The following GPC5 variants were observed in gnomAD, a reference collection of about 807,000 sequenced individuals.
The protein encoded by GPC5 is glypican-5.
In GPC5, 47 loss-of-function variants were observed where a neutral mutation model predicts 53.9. The ratio of observed to expected loss-of-function variants is 0.87; its 90% confidence interval spans 0.69 to 1.11. The LOEUF (loss-of-function observed/expected upper bound fraction) is 1.11. GPC5 is among the 50% of genes most tolerant of loss of function. The pLI is 0.00. For synonymous variants in GPC5, 286 were observed against 263.3 expected, an observed-to-expected ratio of 1.09 and a Z score of -0.84; for missense variants, 748 against 713.1, an observed-to-expected ratio of 1.05 and a Z score of -0.56.
chr13:91,796,685 G>A (rs1186536820), intron 5 of GPC5, among the ~76,000 whole-genome samples: 1 of 152,154 alleles, frequency 6.6e-6, no homozygotes, highest in East Asian at 1.9e-4. Context: ...CCCCAGCTAG[G>A]CTTAGGAATT....
intron 7 of GPC5, among the ~76,000 whole-genome samples, chr13:92,520,747 T>A (rs555682082): frequency 5.3e-4 from 80 of 152,112 alleles, no homozygotes; most frequent in African/African-American, 1.9e-3. Flanking sequence ...CTCTCACCAA[T>A]CCTGTTCAAC....
At chr13:92,393,054 T>A (rs1875085299) in intron 7 of GPC5, among the ~76,000 whole-genome samples, 1 of 152,168 alleles carries the variant, frequency 6.6e-6, no homozygotes, top group Non-Finnish European at 1.5e-5. Flanking sequence ...ACTGGGCAGA[T>A]TCCCAGAGGA....
chr13:91,723,477 C>A (rs200546492), intron 3 of GPC5, among the ~76,000 whole-genome samples: 6 of 148,304 alleles, frequency 4.0e-5, no homozygotes, highest in Non-Finnish European at 3.0e-5. Context: ...TCTCTCCCTC[C>A]AAAAAAAAAA....
chr13:91,716,941 A>G (rs2036351070), intron 3 of GPC5, among the ~76,000 whole-genome samples: 1 of 152,180 alleles, frequency 6.6e-6, no homozygotes. Context: ...GGACTGGGAG[A>G]GGGATTGGTA....
At chr13:91,840,271 TTCATC>T (rs555487217) in intron 5 of GPC5, among the ~76,000 whole-genome samples, 70 of 152,282 alleles carry the variant, frequency 4.6e-4, no homozygotes, top group African/African-American at 1.6e-3. Context: ...CTTTGACTTA[TTCATC>T]TTTCTCTTTA....
chr13:91,423,998 G>T (rs972342828), intron 1 of GPC5, among the ~76,000 whole-genome samples: 1 of 152,188 alleles, frequency 6.6e-6, no homozygotes, highest in Non-Finnish European at 1.5e-5. Flanking sequence ...GGAATAAAGT[G>T]ACCAGTGACA....
intron 5 of GPC5, among the ~76,000 whole-genome samples, chr13:91,854,132 C>T (rs1454598888): frequency 6.6e-6 from 1 of 151,664 alleles, no homozygotes; most frequent in African/African-American, 2.4e-5. Flanking sequence ...AAAAGAGGTG[C>T]TATAACCAAT....
intron 7 of GPC5, among the ~76,000 whole-genome samples, chr13:92,369,361 A>G (rs573690303): frequency 2.2e-4 from 34 of 152,142 alleles, no homozygotes; most frequent in African/African-American, 7.9e-4. Flanking sequence ...TTTTTTTTGT[A>G]GAAATGAGGT....
At chr13:92,855,165 G>A (rs1878955317) in intron 7 of GPC5, among the ~76,000 whole-genome samples, 1 of 151,948 alleles carries the variant, frequency 6.6e-6, no homozygotes, top group Non-Finnish European at 1.5e-5. Context: ...CTGTAGATAT[G>A]ATCACTACAG....
intron 5 of GPC5, among the ~76,000 whole-genome samples, chr13:91,875,646 T>G (rs1450552043): frequency 1.3e-5 from 2 of 152,226 alleles, no homozygotes; most frequent in African/African-American, 2.4e-5. Flanking sequence ...CCTTCTTTAT[T>G]GTTTCTTGCA....
chr13:91,460,263 A>G (rs774627845), intron 2 of GPC5, among the ~76,000 whole-genome samples: 2 of 151,518 alleles, frequency 1.3e-5, no homozygotes, highest in Non-Finnish European at 2.9e-5. Flanking sequence ...CAATATTAAT[A>G]GTTATCAATC....
At chr13:92,702,485 A>G (rs569533836) in intron 7 of GPC5, among the ~76,000 whole-genome samples, 27 of 152,054 alleles carry the variant, frequency 1.8e-4, no homozygotes, top group Non-Finnish European at 3.8e-4. Flanking sequence ...ATTCTGGCCA[A>G]AAATCTTGGA....
chr13:91,457,013 G>A (rs1415332716), intron 2 of GPC5, among the ~76,000 whole-genome samples: 3 of 151,924 alleles, frequency 2.0e-5, no homozygotes, highest in Admixed American at 1.3e-4. Flanking sequence ...TCTATTTTAT[G>A]TGAAGAACAA....
At chr13:92,415,937 G>A (rs1487039388) in intron 7 of GPC5, among the ~76,000 whole-genome samples, 1 of 152,158 alleles carries the variant, frequency 6.6e-6, no homozygotes, top group African/African-American at 2.4e-5. Flanking sequence ...GCAGATTGAA[G>A]ACATATTTAA....
intron 2 of GPC5, among the ~76,000 whole-genome samples, chr13:91,470,513 C>T (rs996469178): frequency 2.0e-5 from 3 of 152,036 alleles, no homozygotes; most frequent in South Asian, 4.1e-4. Context: ...TTTATGGCAT[C>T]GGAGCGCATA....
At chr13:91,571,854 CATAT>C (rs1566515746) in intron 2 of GPC5, among the ~76,000 whole-genome samples, 1 of 124,720 alleles carries the variant, frequency 8.0e-6, no homozygotes, top group Non-Finnish European at 1.6e-5. Flanking sequence ...TGTATATACA[CATAT>C]ACGTGTGTGT....
At chr13:91,836,612 T>C (rs1334512729) in intron 5 of GPC5, among the ~76,000 whole-genome samples, 2 of 152,032 alleles carry the variant, frequency 1.3e-5, no homozygotes, top group Admixed American at 1.3e-4. Context: ...AAATGTGAAT[T>C]CAATCTTAAG....
At chr13:92,815,888 G>A (rs1353079647) in intron 7 of GPC5, among the ~76,000 whole-genome samples, 1 of 151,970 alleles carries the variant, frequency 6.6e-6, no homozygotes, top group Non-Finnish European at 1.5e-5. Context: ...GGGAAAAACA[G>A]TTTTGGAGAT....
At chr13:92,736,154 T>C (rs746750464) in intron 7 of GPC5, among the ~76,000 whole-genome samples, 10 of 152,144 alleles carry the variant, frequency 6.6e-5, no homozygotes, top group Admixed American at 2.0e-4. Flanking sequence ...TTTTCAGTTG[T>C]TATGTCTTTG....
Sources: allele counts gnomAD v4.1 joint callset (sites outside exome capture counted in the v4.1 genomes callset), GRCh38; gene constraint gnomAD v4.1.1; transcripts MANE v1.5; gene names NCBI Gene and HGNC (gene_info 2026-07-23, HGNC 2026-07-21).